MSN: variants seen among roughly 807,000 people sequenced by gnomAD.
MSN encodes moesin.
Under a neutral mutation model 48.0 loss-of-function variants are expected in MSN, and 2 were observed. The observed-to-expected ratio is 0.04, with a 90% CI of 0.02 to 0.13. The LOEUF (loss-of-function observed/expected upper bound fraction) is 0.13, where lower values mean the gene tolerates loss of function less well. MSN is among the 10% of genes least tolerant of loss of function. The probability of loss-of-function intolerance (pLI) is 1.00; values close to 1 mark genes in which losing one functional copy is unlikely to be tolerated. For synonymous variants in MSN, 146 were observed against 166.9 expected (o/e 0.87, Z 0.97); for missense variants, 267 against 470.1 (o/e 0.57, Z 3.99).
intron 1 of MSN, among the ~76,000 whole-genome samples, chrX:65,677,159 G>A (rs958241984): frequency 5.4e-5 from 6 of 111,388 alleles, no homozygotes; most frequent in African/African-American, 2.0e-4. Flanking sequence ...TCTCAGCCTG[G>A]ATGTTTGATG....
intron 1 of MSN, among the ~76,000 whole-genome samples, chrX:65,650,052 CTTTT>C (rs59222247): frequency 3.8e-5 from 2 of 53,198 alleles, no homozygotes; most frequent in African/African-American, 9.6e-5. Flanking sequence ...CCTTTTTTCT[CTTTT>C]TTTTTTTTTT....
intron 1 of MSN, chrX:65,625,950 G>GC (rs1316031675): frequency 4.0e-4 from 37 of 92,628 alleles, no homozygotes; most frequent in African/African-American, 1.7e-3. Flanking sequence ...ATTTAATACA[G>GC]CTTTTTTTTT....
chrX:65,711,216 G>A (rs2071412021), intron 1 of MSN, among the ~76,000 whole-genome samples: 2 of 111,783 alleles, frequency 1.8e-5, no homozygotes, highest in Admixed American at 1.9e-4. Context: ...GCTCCACCAC[G>A]CCCAGCTAAT....
At chrX:65,627,281 AGTCCATAT>A (rs1457816916) in intron 1 of MSN, among the ~76,000 whole-genome samples, 16 of 110,291 alleles carry the variant, frequency 1.5e-4, no homozygotes, top group African/African-American at 5.3e-4. Context: ...CATATGTATT[AGTCCATAT>A]GTATTAATAC....
intron 1 of MSN, among the ~76,000 whole-genome samples, chrX:65,650,052 C>CTTTTTT (rs59222247): frequency 1.1e-4 from 6 of 53,195 alleles, no homozygotes; most frequent in African/African-American, 1.9e-4. Context: ...CCTTTTTTCT[C>CTTTTTT]TTTTTTTTTT....
At chrX:65,617,388 G>C (rs1195627859) in intron 1 of MSN, among the ~76,000 whole-genome samples, 1 of 108,374 alleles carries the variant, frequency 9.2e-6, no homozygotes, top group Non-Finnish European at 1.9e-5. Flanking sequence ...TTCAGCTCCT[G>C]TTATTGGTCT....
intron 1 of MSN, among the ~76,000 whole-genome samples, chrX:65,640,414 A>G (rs1008843519): frequency 3.6e-5 from 4 of 111,583 alleles, no homozygotes; most frequent in African/African-American, 1.3e-4. Flanking sequence ...GCATGGTGGC[A>G]GGCACATGTA....
At chrX:65,612,292 A>C (rs892344348) in intron 1 of MSN, among the ~76,000 whole-genome samples, 5 of 111,328 alleles carry the variant, frequency 4.5e-5, no homozygotes, top group African/African-American at 1.6e-4. Flanking sequence ...TGACACATCA[A>C]GATAGCCCTC....
At chrX:65,590,032 A>AT (rs1465400270) in intron 1 of MSN, among the ~76,000 whole-genome samples, 2 of 109,862 alleles carry the variant, frequency 1.8e-5, no homozygotes. Flanking sequence ...TGCCCAGCTA[A>AT]TTTTTTGTAT....
intron 1 of MSN, among the ~76,000 whole-genome samples, chrX:65,591,535 A>G (rs2070146777): frequency 8.9e-6 from 1 of 111,950 alleles, no homozygotes; most frequent in Admixed American, 9.4e-5. Flanking sequence ...ATCCAGAGGG[A>G]TGGACCCCAC....
chrX:65,690,486 G>A (rs1035848663), intron 1 of MSN, among the ~76,000 whole-genome samples: 3 of 111,973 alleles, frequency 2.7e-5, no homozygotes, highest in African/African-American at 9.7e-5. Context: ...CCTTTTTAGA[G>A]AGTGAGTTCA....
chrX:65,693,485 A>G (rs1328448284), intron 1 of MSN, among the ~76,000 whole-genome samples: 3 of 111,729 alleles, frequency 2.7e-5, no homozygotes, highest in Admixed American at 9.5e-5. Flanking sequence ...AAGAATATTT[A>G]TGAGTAGTCA....
intron 1 of MSN, among the ~76,000 whole-genome samples, chrX:65,696,562 G>C (rs1171610164): frequency 9.0e-6 from 1 of 110,916 alleles, no homozygotes; most frequent in African/African-American, 3.3e-5. Context: ...ATTCGGGGCT[G>C]GGGGTAGGAT....
rs1351355357 is a variant in MSN, at chrX:65,726,080, A to C, written c.97-1734A>C. On this transcript the variant is annotated intron_variant, in intron 2 of 12. Coordinates refer to ENST00000360270, the MANE Select transcript of MSN (RefSeq NM_002444.3). ...TATGAAGGGGAAGGGTGACCTGGTG[A>C]GCAATGAAGGTCGATGACTTGGGGG... Among the ~76,000 whole-genome samples the C allele has an allele frequency of 2.6e-4, 29 of 111,426 alleles. No homozygotes were observed. The Admixed American group carries it at 2.8e-3, about 11-fold the overall frequency.
chrX:65,732,068 T>C (rs900700957), intron 6 of MSN, 84 bp downstream of exon 6: 2 of 998,921 alleles, frequency 2.0e-6, no homozygotes, highest in African/African-American at 3.8e-5. Context: ...GCCATATCTC[T>C]TGGGTCCCAT....
At chrX:65,591,944 T>A (rs751904429) in intron 1 of MSN, among the ~76,000 whole-genome samples, 1 of 110,497 alleles carries the variant, frequency 9.1e-6, no homozygotes, top group Admixed American at 9.7e-5. Context: ...TAATGGTGAT[T>A]GTCTGTGGGT....
chrX:65,724,922 C>A (rs2071553501), intron 2 of MSN, among the ~76,000 whole-genome samples: 1 of 111,384 alleles, frequency 9.0e-6, no homozygotes, highest in African/African-American at 3.3e-5. Context: ...CTCCTGACCT[C>A]ATGATCTGCC....
chrX:65,622,212 A>C (rs779934094), intron 1 of MSN, among the ~76,000 whole-genome samples: 2 of 105,870 alleles, frequency 1.9e-5, no homozygotes, highest in East Asian at 5.9e-4. Context: ...CTCCTGCCTC[A>C]GCCTCCTGAG....
At chrX:65,616,904 T>A (rs1352832202) in intron 1 of MSN, among the ~76,000 whole-genome samples, 1 of 110,458 alleles carries the variant, frequency 9.1e-6, no homozygotes, top group Non-Finnish European at 1.9e-5. Context: ...TTATTGAGAG[T>A]TTTTAGCATG....
Sources: allele counts gnomAD v4.1 joint callset (sites outside exome capture counted in the v4.1 genomes callset), GRCh38; gene constraint gnomAD v4.1.1; transcripts MANE v1.5; gene names NCBI Gene and HGNC (gene_info 2026-07-23, HGNC 2026-07-21).